Variants in CFAP58 observed in about 807,000 individuals in gnomAD.
The protein encoded by CFAP58 is cilia- and flagella-associated protein 58.
Under a neutral mutation model 119.5 loss-of-function variants are expected in CFAP58, and 88 were observed. The ratio of observed to expected loss-of-function variants is 0.74; its 90% CI spans 0.62 to 0.88. CFAP58 has a LOEUF of 0.88. Among genes scored for constraint, CFAP58 ranks in the 40% least tolerant of loss-of-function variants. The probability of loss-of-function intolerance (pLI) is 0.00; values close to 1 mark genes in which losing one functional copy is unlikely to be tolerated. For missense variants in CFAP58, 990 were observed against 1,021.2 expected (o/e 0.97, Z 0.42); for synonymous variants, 365 against 366.3 (o/e 1.00, Z 0.04).
rs777291349 is a variant in CFAP58, at chr10:104,380,126, A to G, written c.1271A>G (p.Tyr424Cys). The G allele has an allele frequency of 6.2e-7, 1 of 1,614,158 alleles. No homozygotes were observed. Among genetic ancestry groups the G allele is most frequent in the Non-Finnish European group, 8.5e-7 (1 of 1,180,002 alleles). ...AACCTGGAGGGAGAAATCCAGAACT[A>G]CAAGGATGAGGCTCAGAAGCAGAGA... ...KRNLEGEIQN[Y>C]KDEAQKQRKI... The change falls in exon 9 of 18, where the codon TAC becomes TGC. Residue 424 changes from tyrosine (Y) to cysteine (C), a missense_variant. Tyr to Cys is a radical substitution (Grantham distance 194). Coordinates refer to ENST00000369704, the MANE Select transcript of CFAP58 (RefSeq NM_001008723.2).
intron 11 of CFAP58, 29 bp downstream of exon 11, chr10:104,393,504 C>G: frequency 6.3e-7 from 1 of 1,588,690 alleles, no homozygotes; most frequent in Non-Finnish European, 8.6e-7. Context: ...AAGCAAAGTA[C>G]CAACAGTTCA....
chr10:104,372,674 A>T (rs17116964), intron 7 of CFAP58, among the ~76,000 whole-genome samples: 1,573 of 152,278 alleles, frequency 0.01, 36 homozygotes, highest in African/African-American at 0.036. Flanking sequence ...TTTAAGAGCA[A>T]TTTTTGTAAC....
chr10:104,398,297 G>T (rs1324363021), intron 11 of CFAP58, among the ~76,000 whole-genome samples: 1 of 152,214 alleles, frequency 6.6e-6, no homozygotes, highest in Non-Finnish European at 1.5e-5. Flanking sequence ...GGAACTCTTG[G>T]GTGGTGACAA....
At position 104,400,733 on chromosome 10, in the gene CFAP58, G is replaced by C. The variant is rs1242504772; in HGVS notation, c.1869G>C (p.Glu623Asp). 2 of 1,614,162 alleles carry C rather than the reference G, an allele frequency of 1.2e-6. No individual in the cohort carries two copies. Among genetic ancestry groups the C allele is most frequent in the Admixed American group, 3.3e-5 (2 of 60,018 alleles). ...LGSQLVRRND[E>D]LALLYEKIKI... Reference sequence around the variant, plus strand: ...CTCAGCTTGTTCGGCGCAATGATGAGTTAGCTTTGCTCTATGAGAAGATCA... The same window carrying C: ...CTCAGCTTGTTCGGCGCAATGATGACTTAGCTTTGCTCTATGAGAAGATCA... The change falls in exon 13 of 18, where the codon GAG (glutamate) becomes GAC (aspartate). Residue 623 changes from glutamate to aspartate, a missense_variant. Glu to Asp is a conservative substitution (Grantham distance 45). Transcript: ENST00000369704.
At chr10:104,412,737 C>G (rs1358794531) in intron 15 of CFAP58, among the ~76,000 whole-genome samples, 2 of 152,120 alleles carry the variant, frequency 1.3e-5, no homozygotes. Flanking sequence ...AGCCTATGTT[C>G]AAGCCCCACT....
At chr10:104,406,911 G>A (rs1374253578) in intron 15 of CFAP58, 118 bp downstream of exon 15, 4 of 715,316 alleles carry the variant, frequency 5.6e-6, no homozygotes, top group African/African-American at 5.3e-5. Context: ...ACTGTAGATG[G>A]CAACAGTGAC....
chr10:104,400,756 T>C lies in CFAP58; in HGVS notation c.1892T>C (p.Ile631Thr). 1 of 1,614,066 alleles carries C rather than the reference T, an allele frequency of 6.2e-7. No individual in the cohort carries two copies. The highest frequency in any genetic ancestry group is 8.5e-7 in the Non-Finnish European group (1 of 1,180,022). ...GAGTTAGCTTTGCTCTATGAGAAGA[T>C]CAAGATCCAACAGTCTGTGCTGAAT... is the stretch of plus-strand genomic sequence containing the variant. ...NDELALLYEK[I>T]KIQQSVLNKG... Residue 631 changes from isoleucine to threonine, a missense_variant, in exon 13 of 18, where the codon ATC (isoleucine) becomes ACC (threonine). Ile to Thr is a moderately conservative substitution (Grantham distance 89). Coordinates refer to ENST00000369704, the MANE Select transcript of CFAP58 (RefSeq NM_001008723.2).
Position 104,454,650 on chromosome 10 carries a change from A to G in CFAP58, c.*120A>G. On this transcript the variant is annotated 3_prime_UTR_variant, in exon 18 of 18. Transcript: ENST00000369704. Reference sequence around the variant, plus strand: ...GTGCTGAGAATCCAGGATGGAAAGAAATGCAGAACTATCATAGTCACATAC... The same window carrying G: ...GTGCTGAGAATCCAGGATGGAAAGAGATGCAGAACTATCATAGTCACATAC... The G allele has an allele frequency of 1.4e-6, 1 of 717,040 alleles. No homozygotes were observed. Among genetic ancestry groups the G allele is most frequent in the Non-Finnish European group, 2.5e-6 (1 of 407,568 alleles). 44.4% of individuals were successfully genotyped at this position (717,040 alleles called of 1,614,324 possible).
At chr10:104,382,206 T>G in intron 9 of CFAP58, 1 of 717,294 alleles carries the variant, frequency 1.4e-6, no homozygotes, top group South Asian at 1.5e-5. Context: ...TCTGAGCCTC[T>G]GCTGACAAGG....
At chr10:104,454,302 C>CT in intron 17 of CFAP58, 120 bp from the exon 18 acceptor site, 2 of 806,578 alleles carry the variant, frequency 2.5e-6, no homozygotes, top group Admixed American at 4.5e-5. Context: ...ACTACCTTGT[C>CT]TAAAACTAGA....
rs3069012 is a variant in CFAP58, at chr10:104,450,716, A to AT, written c.2510+521dup. On this transcript the variant is annotated intron_variant, in intron 17 of 17. Coordinates refer to ENST00000369704, the MANE Select transcript of CFAP58 (RefSeq NM_001008723.2). ...TTATTTATTTATTTATTTATTTTTG[A>AT]TTTTTTTTTGTAGCAACAGGGTCTT... Among the ~76,000 whole-genome samples the AT allele has an allele frequency of 2.4e-3, 291 of 118,776 alleles. 2 individuals are homozygous for AT. The highest frequency in any genetic ancestry group is 6.2e-3 in the African/African-American group (212 of 34,218). 77.9% of individuals were successfully genotyped at this position (118,776 alleles called of 152,430 possible).
chr10:104,439,873 G>A (rs1182702155), intron 15 of CFAP58, among the ~76,000 whole-genome samples: 2 of 152,166 alleles, frequency 1.3e-5, no homozygotes, highest in African/African-American at 4.8e-5. Context: ...AGGCTGGAGT[G>A]CAGTGGCGCG....
At chr10:104,402,839 G>A (rs117253213) in intron 13 of CFAP58, among the ~76,000 whole-genome samples, 1 of 152,270 alleles carries the variant, frequency 6.6e-6, no homozygotes, top group East Asian at 1.9e-4. Context: ...TCCCTGTAAG[G>A]ATTGGGTCCA....
At position 104,420,363 on chromosome 10, in the gene CFAP58, T is replaced by G. The variant is rs117911677; in HGVS notation, c.2256+13570T>G. On this transcript the variant is annotated intron_variant, in intron 15 of 17. Transcript: ENST00000369704. ...GCGCTGGTAAGCTCGATTAGGCAGA[T>G]AGAGTTTAAAAACCGGTTTATACCT... Among the ~76,000 whole-genome samples the G allele has an allele frequency of 5.2e-3, 797 of 152,334 alleles. 5 individuals carry two copies. The highest frequency in any genetic ancestry group is 0.01 in the Middle Eastern group (3 of 294).
intron 7 of CFAP58, among the ~76,000 whole-genome samples, chr10:104,375,384 C>A (rs1367471750): frequency 6.6e-6 from 1 of 151,980 alleles, no homozygotes; most frequent in African/African-American, 2.4e-5. Context: ...TAATTTCATT[C>A]TGTATTTCTA....
At chr10:104,441,720 A>G (rs1714518232) in intron 15 of CFAP58, among the ~76,000 whole-genome samples, 1 of 152,200 alleles carries the variant, frequency 6.6e-6, no homozygotes, top group African/African-American at 2.4e-5. Context: ...TTACTCATCT[A>G]CATCTAAAGC....
chr10:104,338,955 G>C, the CFAP58 span, among the ~76,000 whole-genome samples: 2 of 151,082 alleles, frequency 1.3e-5, no homozygotes, highest in African/African-American at 4.9e-5. Context: ...GCCCAGGCTG[G>C]AGTGCAATGG....
chr10:104,338,905 C>T, the CFAP58 span, among the ~76,000 whole-genome samples: 1 of 146,648 alleles, frequency 6.8e-6, no homozygotes, highest in African/African-American at 2.7e-5. Flanking sequence ...TAGCTTACTA[C>T]CGTTTTTTTT....
intron 9 of CFAP58, among the ~76,000 whole-genome samples, chr10:104,391,427 C>G (rs2012037800): frequency 6.6e-6 from 1 of 152,176 alleles, no homozygotes; most frequent in African/African-American, 2.4e-5. Context: ...CTTATGTGCT[C>G]TAGCTGTTAT....
Sources: gnomAD v4.1 joint callset for allele counts (sites outside exome capture counted in the v4.1 genomes callset) on GRCh38, gnomAD v4.1.1 for gene constraint, MANE v1.5 for transcripts, NCBI Gene and HGNC (gene_info 2026-07-23, HGNC 2026-07-21) for gene names.